The following ATN1 variants were observed in gnomAD, a reference collection of about 807,000 sequenced individuals.
ATN1 encodes the protein atrophin-1.
ATN1 carries 19 observed loss-of-function variants against 85.8 expected under a neutral mutation model. The observed-to-expected ratio is 0.22, with a 90% CI of 0.15 to 0.32. The LOEUF (loss-of-function observed/expected upper bound fraction) is 0.32. Ranked by LOEUF, ATN1 falls within the 10% of genes least tolerant of loss-of-function variation. The pLI is 1.00. For synonymous variants in ATN1, 674 were observed against 657.0 expected (o/e 1.03, Z -0.39); for missense variants, 1,453 against 1,564.5 (o/e 0.93, Z 1.20).
intron 6 of ATN1, 93 bp downstream of exon 6, chr12:6,938,160 G>A: frequency 6.9e-7 from 1 of 1,444,910 alleles, no homozygotes; most frequent in Non-Finnish European, 9.1e-7. Flanking sequence ...GCGGGGCTGT[G>A]GCTGGGTGGG....
At chr12:6,932,394 G>C (rs1945477504) in intron 1 of ATN1, among the ~76,000 whole-genome samples, 1 of 152,192 alleles carries the variant, frequency 6.6e-6, no homozygotes, top group East Asian at 1.9e-4. Flanking sequence ...TCAATCACAA[G>C]AAGAGCGCAC....
In ATN1 at chr12:6,938,796, C is replaced by A. The variant is rs782366337; in HGVS notation, c.2833C>A (p.Arg945Ser). 1 of 1,614,152 alleles carries A rather than the reference C, an allele frequency of 6.2e-7. No homozygotes were observed. Among genetic ancestry groups the A allele is most frequent in the East Asian group, 2.2e-5 (1 of 44,892 alleles). ...REARERDLRD[R>S]LKPGFEVKPS... ...AGCCCGTGAACGAGACCTCCGTGAC[C>A]GCCTCAAGCCTGGCTTTGAGGTGAA... Residue 945 changes from arginine to serine, a missense_variant, in exon 7 of 10, where the codon CGC becomes AGC. By Grantham distance (110) the Arg-to-Ser change is moderately radical (BLOSUM62 -1). Around this residue, in one of 6 missense-constraint regions of ATN1, gnomAD observed 208 missense variants for 263.4 expected, o/e 0.79. Coordinates refer to ENST00000396684, the MANE Select transcript of ATN1 (RefSeq NM_001940.4).
Position 6,938,029 on chromosome 12 carries a change from C to T in ATN1, c.2479C>T (p.Arg827Cys). 1 of 1,545,454 alleles carries T rather than the reference C, an allele frequency of 6.5e-7. No individual in the cohort carries two copies. Residue 827 changes from arginine to cysteine, a missense_variant, in exon 6 of 10, where the codon CGC becomes TGC. Transcript: ENST00000396684. ...GCGCGAGCGGGAACGCGAGAAAGAG[C>T]GCGAGCGCGAGAAGGAGCGCGAGCT... is the stretch of plus-strand genomic sequence containing the variant. ...REREREREKEREREKERELER... is the reference protein window; with the variant it reads ...REREREREKECEREKERELER...
chr12:6,935,325 G>C lies in ATN1; in HGVS notation c.280-222G>C, dbSNP rs1945517314. The stretch of plus-strand genomic sequence containing the variant: ...GAGATGGATCCTTGAGGAAGGAATA[G>C]GGTTTTACAGGCGGGAAACAAGACT... On this transcript the variant is annotated intron_variant, in intron 4 of 9. Coordinates refer to ENST00000396684, the MANE Select transcript of ATN1 (RefSeq NM_001940.4). The surrounding 1 kb of genome is among the most constrained non-coding windows in gnomAD (Gnocchi z 5.3). Among the ~76,000 whole-genome samples the C allele has an allele frequency of 6.6e-6, 1 of 152,070 alleles. No homozygotes were observed. The highest frequency in any genetic ancestry group is 1.5e-5 in the Non-Finnish European group (1 of 68,020).
chr12:6,939,366 C>T (rs1208252540), intron 7 of ATN1, among the ~76,000 whole-genome samples, 189 bp downstream of exon 7: 1 of 152,242 alleles, frequency 6.6e-6, no homozygotes, highest in African/African-American at 2.4e-5. Context: ...TCCCTGGCCA[C>T]AAAGCCTGTA....
At chr12:6,929,299 G>A (rs1189360971) in intron 1 of ATN1, among the ~76,000 whole-genome samples, 1 of 152,140 alleles carries the variant, frequency 6.6e-6, no homozygotes, top group Non-Finnish European at 1.5e-5. Flanking sequence ...GCTGCCCCTG[G>A]AGCTGTGATC....
Position 6,935,443 on chromosome 12 carries a change from T to C in ATN1, c.280-104T>C. 7.7e-6 allele frequency: 10 copies of C among 1,295,866 alleles called. No individual in the cohort carries two copies. The highest frequency in any genetic ancestry group is 1.1e-5 in the Non-Finnish European group (10 of 945,068). The allele number at this position is 1,295,866 out of a possible 1,614,324, so 80.3% of individuals were successfully genotyped here. On this transcript the variant is annotated intron_variant, in intron 4 of 9. Transcript: ENST00000396684. The surrounding 1 kb of genome is among the most constrained non-coding windows in gnomAD (Gnocchi z 5.3). ...AGCAAGAGTACTCACCACATCACAG[T>C]ACAACAGTGTGCTGTGAGGGGAAAT... is the stretch of plus-strand genomic sequence containing the variant.
At position 6,941,629 on chromosome 12, in the gene ATN1, G is replaced by A; in HGVS notation, c.3539+75G>A. ...AGGAGCTGTGGGCATGGTACGGCTGGGCACCGTGCTCCTGGGGGAGGGAAC... is the reference window on the plus strand; with the variant it reads ...AGGAGCTGTGGGCATGGTACGGCTGAGCACCGTGCTCCTGGGGGAGGGAAC... On this transcript the variant is annotated intron_variant, in intron 9 of 9. Transcript: ENST00000396684. This position sits in a 1 kb window ranked among gnomAD's most constrained non-coding sequence, Gnocchi z 5.9. The A allele has an allele frequency of 4.4e-6, 7 of 1,596,982 alleles. No individual in the cohort carries two copies. The highest frequency in any genetic ancestry group is 6.0e-6 in the Non-Finnish European group (7 of 1,165,304).
Position 6,938,652 on chromosome 12 carries a change from C to T in ATN1, c.2689C>T (p.Pro897Ser). The change falls in exon 7 of 10, where the codon CCT becomes TCT. Residue 897 changes from proline to serine, a missense_variant. Transcript: ENST00000396684. Reference sequence around the variant, plus strand: ...ATATGCCCGGCCTCATGTCATGTCTCCTGGCAATCGCAACCATCCATTCTA... The same window carrying T: ...ATATGCCCGGCCTCATGTCATGTCTTCTGGCAATCGCAACCATCCATTCTA... ...SEYARPHVMSPGNRNHPFYVP... is the reference protein window; with the variant it reads ...SEYARPHVMSSGNRNHPFYVP... 6.2e-7 allele frequency: 1 copy of T among 1,614,264 alleles called. No homozygotes were observed. The highest frequency in any genetic ancestry group is 8.5e-7 in the Non-Finnish European group (1 of 1,180,048).
At chr12:6,931,665 GATC>G (rs1294691473) in intron 1 of ATN1, among the ~76,000 whole-genome samples, 1 of 141,264 alleles carries the variant, frequency 7.1e-6, no homozygotes, top group East Asian at 2.1e-4. Context: ...AGTGAGCTGA[GATC>G]ATGCCATAGC....
chr12:6,931,409 G>GGA (rs782775918), intron 1 of ATN1, among the ~76,000 whole-genome samples: 1 of 53,556 alleles, frequency 1.9e-5, no homozygotes, highest in African/African-American at 7.5e-5. Context: ...AGCTGTAGTT[G>GGA]AAAAAAAAAA....
At chr12:6,939,560 G>A (rs1945606243) in intron 7 of ATN1, among the ~76,000 whole-genome samples, 1 of 152,176 alleles carries the variant, frequency 6.6e-6, no homozygotes, top group African/African-American at 2.4e-5. Context: ...GGAGTGTAGT[G>A]GCGCAATCAC....
At position 6,934,050 on chromosome 12, in the gene ATN1, G is replaced by A; in HGVS notation, c.27+22G>A. On this transcript the variant is annotated intron_variant, in intron 2 of 9. Transcript: ENST00000396684. The surrounding 1 kb of genome is among the most constrained non-coding windows in gnomAD (Gnocchi z 4.5). ...CTCGGTGAGTTAAAATGAGAGACAT[G>A]AAAGATGAGGGGCGGGGCAGGCAAG... 6.2e-7 allele frequency: 1 copy of A among 1,610,634 alleles called. No homozygotes were observed.
intron 1 of ATN1, among the ~76,000 whole-genome samples, chr12:6,932,216 A>AT (rs1274025313): frequency 6.6e-6 from 1 of 152,064 alleles, no homozygotes; most frequent in Non-Finnish European, 1.5e-5. Context: ...GTGAGTGAGA[A>AT]TTACTGTGTT....
At position 6,938,686 on chromosome 12, in the gene ATN1, T is replaced by C. The variant is rs782375049; in HGVS notation, c.2723T>C (p.Leu908Pro). Residue 908 changes from leucine (L) to proline (P), a missense_variant, in exon 7 of 10, where the codon CTG becomes CCG. By Grantham distance (98) the Leu-to-Pro change is moderately conservative. Around this residue, in one of 6 missense-constraint regions of ATN1, gnomAD observed 208 missense variants for 263.4 expected, o/e 0.79. Coordinates refer to ENST00000396684, the MANE Select transcript of ATN1 (RefSeq NM_001940.4). ...GNRNHPFYVP[L>P]GAVDPGLLGY... ...CGCAACCATCCATTCTACGTGCCCCTGGGGGCAGTGGACCCGGGGCTCCTG... is the reference window on the plus strand; with the variant it reads ...CGCAACCATCCATTCTACGTGCCCCCGGGGGCAGTGGACCCGGGGCTCCTG... 1 of 1,614,160 alleles carries C rather than the reference T, an allele frequency of 6.2e-7. No individual in the cohort carries two copies. Among genetic ancestry groups the C allele is most frequent in the Admixed American group, 1.7e-5 (1 of 60,028 alleles).
At chr12:6,926,670 G>A (rs1311798352), upstream of ATN1, among the ~76,000 whole-genome samples, 3 of 151,860 alleles carry the variant, frequency 2.0e-5, no homozygotes, top group African/African-American at 7.2e-5. Context: ...ACGGGGTTTC[G>A]CCATGTTGGC....
In ATN1 at chr12:6,941,844, C is replaced by A. The variant is rs1429982601; in HGVS notation, c.*64C>A. ...ACCTTGGAGCACCCCCACCCTCCCC[C>A]CACCGTGCCCTTGGCCTGCCACCCA... On this transcript the variant is annotated 3_prime_UTR_variant, in exon 10 of 10. Coordinates refer to ENST00000396684, the MANE Select transcript of ATN1 (RefSeq NM_001940.4). The surrounding 1 kb of genome is among the most constrained non-coding windows in gnomAD (Gnocchi z 5.9). 1.0e-5 allele frequency: 16 copies of A among 1,563,240 alleles called. No individual in the cohort carries two copies. In the South Asian group the frequency reaches 1.2e-4, roughly 12 times the overall value.
Position 6,934,486 on chromosome 12 carries a change from T to C in ATN1, c.187T>C (p.Ser63Pro), listed in dbSNP as rs1056633656. The C allele has an allele frequency of 6.3e-7, 1 of 1,592,270 alleles. No individual in the cohort carries two copies. Among genetic ancestry groups the C allele is most frequent in the African/African-American group, 1.3e-5 (1 of 74,222 alleles). ...TAKKARVEEA[S>P]TPKVNKQGRS... ...ACAGAAGGCCCGAGTAGAGGAAGCC[T>C]CCACCCCAAAGGTCAACAAGCAGGG... The change falls in exon 4 of 10, where the codon TCC becomes CCC. Residue 63 changes from serine to proline, a missense_variant. Physicochemically the swap from Ser to Pro is moderately conservative, Grantham distance 74 (BLOSUM62 -1). Transcript: ENST00000396684. This position sits in a 1 kb window ranked among gnomAD's most constrained non-coding sequence, Gnocchi z 4.5.
At position 6,936,835 on chromosome 12, in the gene ATN1, G is replaced by T. The variant is rs1555143815; in HGVS notation, c.1568G>T (p.Ser523Ile). Residue 523 changes from serine to isoleucine, a missense_variant, in exon 5 of 10, where the codon AGC (serine) becomes ATC (isoleucine). Coordinates refer to ENST00000396684, the MANE Select transcript of ATN1 (RefSeq NM_001940.4). ...GAFPHPLEGG[S>I]SHHAHPYAMS... ...TTTCCCCACCCACTGGAGGGCGGTA[G>T]CTCCCACCACGCACACCCTTACGCC... The T allele has an allele frequency of 3.1e-6, 5 of 1,613,878 alleles. No homozygotes were observed. Among genetic ancestry groups the T allele is most frequent in the South Asian group, 2.2e-5 (2 of 91,074 alleles).
Sources: allele counts gnomAD v4.1 joint callset (sites outside exome capture counted in the v4.1 genomes callset), GRCh38; gene constraint gnomAD v4.1.1; regional missense constraint gnomAD v4.1.1; non-coding constraint Gnocchi (gnomAD v3.1); transcripts MANE v1.5; gene names NCBI Gene and HGNC (gene_info 2026-07-23, HGNC 2026-07-21).